The following ARHGAP28 variants were observed in gnomAD, a reference collection of about 807,000 sequenced individuals.
ARHGAP28 encodes rho GTPase-activating protein 28.
In ARHGAP28, 56 loss-of-function variants were observed where a neutral mutation model predicts 90.7. The ratio of observed to expected loss-of-function variants is 0.62; its 90% CI spans 0.50 to 0.77. The LOEUF (loss-of-function observed/expected upper bound fraction) is 0.77, where lower values mean the gene tolerates loss of function less well. ARHGAP28 is among the 30% of genes least tolerant of loss of function. ARHGAP28 has a pLI of 0.00. For missense variants in ARHGAP28, 869 were observed against 900.9 expected, an observed-to-expected ratio of 0.96 and a Z score of 0.45; for synonymous variants, 308 against 323.3, an observed-to-expected ratio of 0.95 and a Z score of 0.51.
chr18:6,859,828 C>T lies in ARHGAP28; in HGVS notation c.657C>T (p.Asn219=), dbSNP rs1243409697. The change falls in exon 5 of 18, where the codon AAC becomes AAT. Residue 219 remains asparagine, a synonymous_variant. Transcript: ENST00000383472. ...TTTAGCCAGATGATGCTTCTCTCAA[C>T]AGTACTACCCTGTCTGACGCATCCC... The part of the protein sequence containing the change: ...SGSMPDDASL[N]STTLSDASQD... 3.1e-6 allele frequency: 5 copies of T among 1,613,938 alleles called. No homozygotes were observed. Among genetic ancestry groups the T allele is most frequent in the Non-Finnish European group, 1.7e-6 (2 of 1,179,964 alleles).
chr18:6,827,535 CG>C (rs1373655165), intron 2 of ARHGAP28, among the ~76,000 whole-genome samples: 1 of 136,110 alleles, frequency 7.3e-6, no homozygotes, highest in East Asian at 2.3e-4. Context: ...GCTGACCGGG[CG>C]GGGGGCTGAC....
chr18:6,781,161 G>A (rs1194625847), intron 1 of ARHGAP28, among the ~76,000 whole-genome samples: 1 of 152,148 alleles, frequency 6.6e-6, no homozygotes, highest in South Asian at 2.1e-4. Context: ...ATTGCTGCTG[G>A]AAGCCATTGC....
At chr18:6,784,548 A>G (rs1023462354) in intron 1 of ARHGAP28, among the ~76,000 whole-genome samples, 36 of 152,316 alleles carry the variant, frequency 2.4e-4, no homozygotes, top group Admixed American at 2.0e-3. Context: ...ACAAAGTGTT[A>G]CTGATTCCAT....
At chr18:6,827,884 G>A (rs1320440771) in intron 2 of ARHGAP28, among the ~76,000 whole-genome samples, 6 of 149,268 alleles carry the variant, frequency 4.0e-5, no homozygotes, top group Admixed American at 2.7e-4. Flanking sequence ...CCGGGAAGAG[G>A]CGCTCCTCAC....
rs762580085 is a variant in ARHGAP28 at position 6,873,742 on chromosome 18, C to A, written c.1179C>A (p.Asp393Glu). 1 of 1,613,864 alleles carries A rather than the reference C, an allele frequency of 6.2e-7. No homozygotes were observed. Among genetic ancestry groups the A allele is most frequent in the South Asian group, 1.1e-5 (1 of 91,060 alleles). ...TVLLDGDRKK[D>E]PGVKVPLVLQ... ...TCCTGGACGGTGACCGAAAGAAAGA[C>A]CCTGGAGTGAAAGTTCCCCTGGTAT... is the stretch of plus-strand genomic sequence containing the variant. The change falls in exon 9 of 18, where the codon GAC (aspartate) becomes GAA (glutamate). Residue 393 changes from aspartate to glutamate, a missense_variant. By Grantham distance (45) the Asp-to-Glu change is conservative. Coordinates refer to ENST00000383472, the MANE Select transcript of ARHGAP28 (RefSeq NM_001366230.1).
intron 1 of ARHGAP28, among the ~76,000 whole-genome samples, chr18:6,788,158 T>A (rs1465943963): frequency 6.6e-6 from 1 of 152,048 alleles, no homozygotes; most frequent in East Asian, 1.9e-4. Flanking sequence ...TCATGAGCAG[T>A]TTAGCACCAC....
intron 12 of ARHGAP28, among the ~76,000 whole-genome samples, chr18:6,888,652 AT>A (rs1199778542): frequency 6.6e-6 from 1 of 152,198 alleles, no homozygotes; most frequent in African/African-American, 2.4e-5. Context: ...TCAAAAAAAA[AT>A]TCATCTGTTA....
chr18:6,841,180 CCTCTCTCTCT>C lies in ARHGAP28; in HGVS notation c.543+3780_543+3789del, dbSNP rs143797436. Among the ~76,000 whole-genome samples the C allele has an allele frequency of 2.3e-4, 13 of 57,068 alleles. No individual in the cohort carries two copies. In the East Asian group the frequency reaches 3.0e-3, roughly 13 times the overall value. The allele number at this position is 57,068 out of a possible 152,430, so 37.4% of individuals were successfully genotyped here. A position where few individuals can be genotyped will look rare whatever the true frequency, so the allele number is the denominator to read the frequency against. ...CTTTCTCTCTCTCCTCTCTCTCTCTCCTCTCTCTCTCTCTCTCTCTCTCCTCTCCTCTCTC... is the reference window on the plus strand; with the variant it reads ...CTTTCTCTCTCTCCTCTCTCTCTCTCCTCTCTCTCTCTCCTCTCCTCTCTC... On this transcript the variant is annotated intron_variant, in intron 3 of 17. Transcript: ENST00000383472.
intron 16 of ARHGAP28, among the ~76,000 whole-genome samples, chr18:6,906,852 G>C (rs939458692): frequency 1.3e-5 from 2 of 152,008 alleles, no homozygotes; most frequent in Non-Finnish European, 2.9e-5. Context: ...CTAAGGACTG[G>C]GATGAAATAT....
At chr18:6,764,838 C>T (rs781274753) in intron 1 of ARHGAP28, among the ~76,000 whole-genome samples, 5 of 152,004 alleles carry the variant, frequency 3.3e-5, no homozygotes, top group Admixed American at 6.6e-5. Context: ...TTAGAAATTA[C>T]GGGCAGTTGC....
intron 2 of ARHGAP28, among the ~76,000 whole-genome samples, chr18:6,826,171 G>C (rs937419662): frequency 3.4e-5 from 5 of 144,990 alleles, no homozygotes; most frequent in African/African-American, 1.3e-4. Flanking sequence ...TAGCCATTCT[G>C]ACTGGTGTGA....
intron 1 of ARHGAP28, among the ~76,000 whole-genome samples, chr18:6,741,983 A>G (rs975932859): frequency 6.6e-6 from 1 of 152,240 alleles, no homozygotes. Flanking sequence ...AATGGTTTAG[A>G]AGGGTAATGA....
intron 7 of ARHGAP28, 105 bp downstream of exon 7, chr18:6,870,837 T>G (rs939116128): frequency 2.4e-6 from 3 of 1,265,888 alleles, no homozygotes; most frequent in South Asian, 1.5e-5. Flanking sequence ...TCTCGCTCTA[T>G]TGCCCCAGGC....
At chr18:6,841,966 G>C (rs548597392) in intron 3 of ARHGAP28, among the ~76,000 whole-genome samples, 57 of 152,250 alleles carry the variant, frequency 3.7e-4, no homozygotes, top group Non-Finnish European at 6.6e-4. Flanking sequence ...TTGTTGCACT[G>C]TTTGGATTGA....
At chr18:6,734,197 T>C (rs2055906916) in intron 1 of ARHGAP28, among the ~76,000 whole-genome samples, 1 of 152,202 alleles carries the variant, frequency 6.6e-6, no homozygotes, top group African/African-American at 2.4e-5. Context: ...TAAGCTTCTA[T>C]TCAGAATCCA....
At chr18:6,911,683 G>A (rs1167874278) in intron 17 of ARHGAP28, among the ~76,000 whole-genome samples, 1 of 151,932 alleles carries the variant, frequency 6.6e-6, no homozygotes, top group Non-Finnish European at 1.5e-5. Context: ...TGATCCACCT[G>A]CCTCAGCCTC....
intron 1 of ARHGAP28, among the ~76,000 whole-genome samples, chr18:6,744,704 T>G (rs1035980240): frequency 6.6e-6 from 1 of 152,196 alleles, no homozygotes; most frequent in Non-Finnish European, 1.5e-5. Context: ...AGATAATATA[T>G]TAGTAAGATG....
chr18:6,764,441 A>G (rs1346639960), intron 1 of ARHGAP28, among the ~76,000 whole-genome samples: 2 of 152,192 alleles, frequency 1.3e-5, no homozygotes, highest in Admixed American at 6.5e-5. Context: ...GAGGAAGAGC[A>G]GGGACCACCC....
chr18:6,793,505 G>A (rs1028120344), intron 1 of ARHGAP28, among the ~76,000 whole-genome samples: 86 of 152,094 alleles, frequency 5.7e-4, no homozygotes, highest in Non-Finnish European at 2.5e-4. Flanking sequence ...TTAAATTTAC[G>A]GCTCTAAGGT....
Sources: allele counts gnomAD v4.1 joint callset (sites outside exome capture counted in the v4.1 genomes callset), GRCh38; gene constraint gnomAD v4.1.1; transcripts MANE v1.5; gene names NCBI Gene and HGNC (gene_info 2026-07-23, HGNC 2026-07-21).